The following RBFOX1 variants were observed in gnomAD, a reference collection of about 807,000 sequenced individuals.
The protein encoded by RBFOX1 is RNA binding protein fox-1 homolog 1.
In RBFOX1, 8 loss-of-function variants were observed where a neutral mutation model predicts 57.7. That is an observed-to-expected ratio of 0.14 (90% CI 0.08 to 0.25). The LOEUF (loss-of-function observed/expected upper bound fraction) is 0.25. Ranked by LOEUF, RBFOX1 falls within the 10% of genes least tolerant of loss-of-function variation. The probability of loss-of-function intolerance (pLI) is 1.00; values close to 1 mark genes in which losing one functional copy is unlikely to be tolerated. For missense variants in RBFOX1, 611 were observed against 548.5 expected (o/e 1.11, Z -1.14); for synonymous variants, 326 against 222.4 (o/e 1.47, Z -4.15).
intron 1 of RBFOX1, among the ~76,000 whole-genome samples, chr16:6,276,244 A>G (rs535294005): frequency 6.6e-6 from 1 of 152,344 alleles, no homozygotes; most frequent in South Asian, 2.1e-4. Context: ...CATTTTAGAT[A>G]AATATGTCAA....
chr16:6,889,910 T>C (rs1225038624), intron 3 of RBFOX1, among the ~76,000 whole-genome samples: 1 of 152,214 alleles, frequency 6.6e-6, no homozygotes, highest in African/African-American at 2.4e-5. Flanking sequence ...TTGTATAGCA[T>C]TCAAAACAAA....
intron 14 of RBFOX1, among the ~76,000 whole-genome samples, chr16:7,697,371 C>G (rs889734490): frequency 3.9e-5 from 6 of 152,138 alleles, no homozygotes; most frequent in Admixed American, 1.3e-4. Flanking sequence ...CCATGGAGCA[C>G]CAAGGCTTTA....
chr16:5,524,056 A>G (rs1435519125), intron 2 of RBFOX1, among the ~76,000 whole-genome samples: 1 of 152,240 alleles, frequency 6.6e-6, no homozygotes, highest in Non-Finnish European at 1.5e-5. Context: ...GCTGTTTGCA[A>G]TTTAAAGGGT....
chr16:5,370,172 A>G (rs973061949), intron 1 of RBFOX1, among the ~76,000 whole-genome samples: 6 of 151,974 alleles, frequency 3.9e-5, no homozygotes, highest in African/African-American at 1.5e-4. Context: ...ACTCCTGCCC[A>G]CTCTGGAAAC....
chr16:6,956,126 G>A lies in RBFOX1; in HGVS notation c.-15-95931G>A, dbSNP rs936628048. On this transcript the variant is annotated intron_variant, in intron 3 of 15. Transcript: ENST00000550418. ...AGTGAGGGCCACAGAGGCTGGAGTTGTAAATGGGACCTGGACAGATTGCTA... is the reference window on the plus strand; with the variant it reads ...AGTGAGGGCCACAGAGGCTGGAGTTATAAATGGGACCTGGACAGATTGCTA... Among the ~76,000 whole-genome samples the A allele has an allele frequency of 5.9e-5, 9 of 152,274 alleles. 1 individual carries two copies. The highest frequency in any genetic ancestry group is 5.9e-4 in the Admixed American group (9 of 15,292).
chr16:6,813,937 C>T (rs2089424816), intron 3 of RBFOX1, among the ~76,000 whole-genome samples: 1 of 152,156 alleles, frequency 6.6e-6, no homozygotes, highest in Admixed American at 6.5e-5. Context: ...TCAAGTTACC[C>T]AGCAAACTAT....
chr16:6,865,088 C>T (rs958985081), intron 3 of RBFOX1, among the ~76,000 whole-genome samples: 18 of 146,976 alleles, frequency 1.2e-4, no homozygotes, highest in East Asian at 6.1e-4. Flanking sequence ...CTGCAACCTC[C>T]GCCTCCTGGG....
intron 2 of RBFOX1, among the ~76,000 whole-genome samples, chr16:6,449,474 T>A (rs959796224): frequency 3.9e-5 from 6 of 152,196 alleles, no homozygotes; most frequent in African/African-American, 1.4e-4. Flanking sequence ...AAACGTTTGT[T>A]TTCTGTTGAT....
In RBFOX1 at chr16:7,710,806, A is replaced by C; in HGVS notation, c.*61A>C. On this transcript the variant is annotated 3_prime_UTR_variant, in exon 16 of 16. Coordinates refer to ENST00000550418, the MANE Select transcript of RBFOX1 (RefSeq NM_018723.4). ...AAAGGAAGCTTTCCGAGGCCTGAGT[A>C]TTGCAATACATGCAGTAGTACATCA... 1 of 1,387,550 alleles carries C rather than the reference A, an allele frequency of 7.2e-7. No individual in the cohort carries two copies. The highest frequency in any genetic ancestry group is 9.6e-7 in the Non-Finnish European group (1 of 1,039,904). 86.0% of individuals were successfully genotyped at this position (1,387,550 alleles called of 1,614,324 possible).
chr16:6,879,657 G>T (rs1177239846), intron 3 of RBFOX1, among the ~76,000 whole-genome samples: 1 of 152,140 alleles, frequency 6.6e-6, no homozygotes, highest in Admixed American at 6.6e-5. Context: ...AGGTCCAGTT[G>T]TGTTATTTCA....
At chr16:6,602,762 T>A (rs2154009666) in intron 2 of RBFOX1, among the ~76,000 whole-genome samples, 1 of 152,268 alleles carries the variant, frequency 6.6e-6, no homozygotes, top group African/African-American at 2.4e-5. Context: ...ATCCCTTCTG[T>A]GCATTCCTCT....
chr16:5,684,775 T>C (rs974232631), intron 3 of RBFOX1, among the ~76,000 whole-genome samples: 14 of 152,202 alleles, frequency 9.2e-5, no homozygotes, highest in Admixed American at 7.2e-4. Flanking sequence ...TTGGCTGGTA[T>C]ATCTGGAGCC....
At chr16:6,781,304 T>C (rs1603622724) in intron 3 of RBFOX1, among the ~76,000 whole-genome samples, 1 of 152,270 alleles carries the variant, frequency 6.6e-6, no homozygotes, top group East Asian at 1.9e-4. Context: ...GAATGATCTT[T>C]TTAATATGTT....
intron 4 of RBFOX1, among the ~76,000 whole-genome samples, chr16:7,142,669 T>C (rs2074081810): frequency 6.6e-6 from 1 of 152,170 alleles, no homozygotes; most frequent in Non-Finnish European, 1.5e-5. Context: ...TCAGTAATTA[T>C]CTTGTTTGTA....
Position 6,228,531 on chromosome 16 carries a change from G to A in RBFOX1, c.-126-88464G>A, listed in dbSNP as rs374880148. On this transcript the variant is annotated intron_variant, in intron 1 of 15. Coordinates refer to ENST00000550418, the MANE Select transcript of RBFOX1 (RefSeq NM_018723.4). Reference sequence around the variant, plus strand: ...TTGCAACAATATGGTTGAACCTGGAGGACATTATGCTAACTGAACTAAGCC... The same window carrying A: ...TTGCAACAATATGGTTGAACCTGGAAGACATTATGCTAACTGAACTAAGCC... 4.6e-5 allele frequency among the ~76,000 whole-genome samples: 7 copies of A among 152,166 alleles called. 1 individual carries two copies. The highest frequency in any genetic ancestry group is 1.7e-4 in the African/African-American group (7 of 41,506).
chr16:5,574,365 C>T (rs1382173693), intron 2 of RBFOX1, among the ~76,000 whole-genome samples: 1 of 152,060 alleles, frequency 6.6e-6, no homozygotes, highest in African/African-American at 2.4e-5. Flanking sequence ...CCAAGCCCGC[C>T]TTGCCACATC....
intron 2 of RBFOX1, among the ~76,000 whole-genome samples, chr16:6,371,269 G>A (rs1210997168): frequency 6.6e-6 from 1 of 152,086 alleles, no homozygotes; most frequent in Non-Finnish European, 1.5e-5. Flanking sequence ...GATGATTCTT[G>A]TCTGAGTCAA....
At chr16:5,949,309 G>A (rs372583880) in intron 4 of RBFOX1, among the ~76,000 whole-genome samples, 13 of 152,072 alleles carry the variant, frequency 8.5e-5, no homozygotes, top group African/African-American at 2.4e-4. Context: ...GGCCGATCAC[G>A]AGGTCAGGAG....
chr16:6,388,227 A>C (rs1185926884), intron 2 of RBFOX1, among the ~76,000 whole-genome samples: 2 of 151,868 alleles, frequency 1.3e-5, no homozygotes, highest in Non-Finnish European at 2.9e-5. Flanking sequence ...CGGCCTCCCA[A>C]AGTTCTGGGA....
Sources: allele counts gnomAD v4.1 joint callset (sites outside exome capture counted in the v4.1 genomes callset), GRCh38; gene constraint gnomAD v4.1.1; transcripts MANE v1.5; gene names NCBI Gene and HGNC (gene_info 2026-07-23, HGNC 2026-07-21).